Variants in FKTN observed in about 807,000 individuals in gnomAD.
The protein encoded by FKTN is fukutin, also known as ribitol-5-phosphate transferase FKTN.
FKTN carries 47 observed loss-of-function variants against 58.6 expected under a neutral mutation model. That is an observed-to-expected ratio of 0.80 (90% confidence interval 0.63 to 1.02). FKTN has a LOEUF of 1.02. FKTN is among the 50% of genes least tolerant of loss of function. The pLI is 0.00. For synonymous variants in FKTN, 178 were observed against 191.9 expected, an observed-to-expected ratio of 0.93 and a Z score of 0.60; for missense variants, 516 against 537.3, an observed-to-expected ratio of 0.96 and a Z score of 0.39.
At chr9:105,572,250 ATT>A (rs906187950) in intron 1 of FKTN, among the ~76,000 whole-genome samples, 2 of 141,688 alleles carry the variant, frequency 1.4e-5, no homozygotes, top group African/African-American at 2.7e-5. Context: ...ATATATATAT[ATT>A]TTAGTGTTTG....
chr9:105,599,665 G>A (rs1206636694), intron 4 of FKTN, among the ~76,000 whole-genome samples: 5 of 151,548 alleles, frequency 3.3e-5, no homozygotes, highest in Admixed American at 6.6e-5. Flanking sequence ...CACCACGCCC[G>A]GCTAATTTTT....
chr9:105,581,143 G>A (rs10978165), intron 3 of FKTN, among the ~76,000 whole-genome samples: 10 of 148,454 alleles, frequency 6.7e-5, no homozygotes, highest in Admixed American at 4.7e-4. Context: ...TAATTTGATC[G>A]TCTGAAGCCT....
intron 1 of FKTN, among the ~76,000 whole-genome samples, chr9:105,569,213 C>T (rs1383152059): frequency 2.0e-5 from 3 of 152,060 alleles, no homozygotes; most frequent in Non-Finnish European, 1.5e-5. Context: ...GGGTACAGCA[C>T]ACCAACATGG....
intron 1 of FKTN, 83 bp from the exon 2 acceptor site, chr9:105,573,572 G>A (rs1841152844): frequency 6.6e-6 from 1 of 151,796 alleles, no homozygotes; most frequent in African/African-American, 2.4e-5. Context: ...GGGTTACAAT[G>A]AGCTATGATT....
intron 3 of FKTN, among the ~76,000 whole-genome samples, chr9:105,580,996 G>A (rs992165015): frequency 1.5e-5 from 2 of 137,664 alleles, no homozygotes; most frequent in African/African-American, 3.0e-5. Context: ...CGTAGTTCTC[G>A]AGCCTTGGTT....
At chr9:105,629,020 T>C (rs1372619628) in intron 10 of FKTN, among the ~76,000 whole-genome samples, 3 of 152,230 alleles carry the variant, frequency 2.0e-5, no homozygotes, top group East Asian at 3.9e-4. Flanking sequence ...TTATCAAAAC[T>C]CATCACTTAA....
At chr9:105,560,913 C>T (rs1028104315) in intron 1 of FKTN, among the ~76,000 whole-genome samples, 3 of 151,990 alleles carry the variant, frequency 2.0e-5, no homozygotes, top group African/African-American at 7.3e-5. Context: ...CTGATGAAAC[C>T]CTGTCTCTAC....
At position 105,610,980 on chromosome 9, in the gene FKTN, C is replaced by G. The variant is rs77447617; in HGVS notation, c.780+3029C>G. On this transcript the variant is annotated intron_variant, in intron 7 of 10. Coordinates refer to ENST00000357998, the MANE Select transcript of FKTN (RefSeq NM_001079802.2). ...ACCATCACAAGATAATTAATGAGCTCCAGGCTGTTGAATATCAGTGAAAAA... is the reference window on the plus strand; with the variant it reads ...ACCATCACAAGATAATTAATGAGCTGCAGGCTGTTGAATATCAGTGAAAAA... Among the ~76,000 whole-genome samples the G allele has an allele frequency of 9.1e-3, 1,382 of 152,122 alleles. 29 individuals are homozygous for G. Among genetic ancestry groups the G allele is most frequent in the African/African-American group, 0.032 (1,324 of 41,418 alleles).
At position 105,638,163 on chromosome 9, in the gene FKTN, C is replaced by G. The variant is rs1345549878; in HGVS notation, c.*2899C>G. On this transcript the variant is annotated 3_prime_UTR_variant, in exon 11 of 11. Transcript: ENST00000357998. ...GAACAGCTGAGGCTAAAACCCAAGACTGCCGTGACTCCTAGTCCAATGTCT... is the reference window on the plus strand; with the variant it reads ...GAACAGCTGAGGCTAAAACCCAAGAGTGCCGTGACTCCTAGTCCAATGTCT... 7 of 985,176 alleles carry G rather than the reference C, an allele frequency of 7.1e-6. No individual in the cohort carries two copies. The highest frequency in any genetic ancestry group is 8.4e-6 in the Non-Finnish European group (7 of 829,862). 61.0% of individuals were successfully genotyped at this position (985,176 alleles called of 1,614,324 possible).
intron 9 of FKTN, among the ~76,000 whole-genome samples, chr9:105,618,841 G>A (rs1191834001): frequency 1.3e-5 from 2 of 151,730 alleles, no homozygotes; most frequent in Non-Finnish European, 2.9e-5. Flanking sequence ...AGGCCGAGGC[G>A]GGTGGATCAT....
At chr9:105,579,594 T>C (rs888676550) in intron 3 of FKTN, among the ~76,000 whole-genome samples, 2 of 150,574 alleles carry the variant, frequency 1.3e-5, no homozygotes, top group African/African-American at 2.5e-5. Flanking sequence ...AAGTATGTGG[T>C]CAATTTTGGA....
At chr9:105,578,770 G>A (rs1048153064) in intron 3 of FKTN, among the ~76,000 whole-genome samples, 2 of 151,510 alleles carry the variant, frequency 1.3e-5, no homozygotes, top group East Asian at 1.9e-4. Context: ...TGTACCTCTG[G>A]TAGAATTCGG....
intron 10 of FKTN, among the ~76,000 whole-genome samples, chr9:105,634,607 G>A (rs943919359): frequency 6.6e-6 from 1 of 152,156 alleles, no homozygotes; most frequent in African/African-American, 2.4e-5. Flanking sequence ...GGAAAAGCCT[G>A]GAAATGCAAC....
intron 3 of FKTN, among the ~76,000 whole-genome samples, chr9:105,594,090 G>A (rs1391519718): frequency 6.6e-6 from 1 of 152,134 alleles, no homozygotes; most frequent in Non-Finnish European, 1.5e-5. Flanking sequence ...ATCCATCAGA[G>A]AAAGAAAAAT....
intron 3 of FKTN, among the ~76,000 whole-genome samples, chr9:105,584,535 A>T: frequency 6.6e-6 from 1 of 152,160 alleles, no homozygotes; most frequent in Non-Finnish European, 1.5e-5. Flanking sequence ...ATTGAAATAT[A>T]TGGAGTGGGT....
chr9:105,575,884 G>A (rs1472187359), intron 3 of FKTN, among the ~76,000 whole-genome samples: 1 of 152,126 alleles, frequency 6.6e-6, no homozygotes, highest in Non-Finnish European at 1.5e-5. Flanking sequence ...TGTTGGGCTT[G>A]ACCAGTAGAA....
At chr9:105,582,230 C>T (rs1197948983) in intron 3 of FKTN, among the ~76,000 whole-genome samples, 3 of 151,946 alleles carry the variant, frequency 2.0e-5, no homozygotes, top group Admixed American at 2.0e-4. Flanking sequence ...CTCGCTTCGT[C>T]ACCCAGGCTG....
intron 7 of FKTN, among the ~76,000 whole-genome samples, chr9:105,611,149 C>A (rs977189821): frequency 6.6e-6 from 1 of 152,050 alleles, no homozygotes; most frequent in Admixed American, 6.5e-5. Flanking sequence ...AGAGTTGGTA[C>A]CTTCTGTCAT....
At chr9:105,626,651 A>T (rs1832777863) in intron 10 of FKTN, among the ~76,000 whole-genome samples, 1 of 152,190 alleles carries the variant, frequency 6.6e-6, no homozygotes, top group South Asian at 2.1e-4. Flanking sequence ...GTTCAATTTC[A>T]GCATATTGTT....
Sources: allele counts gnomAD v4.1 joint callset (sites outside exome capture counted in the v4.1 genomes callset), GRCh38; gene constraint gnomAD v4.1.1; transcripts MANE v1.5; gene names NCBI Gene and HGNC (gene_info 2026-07-23, HGNC 2026-07-21).